The following SPTLC1 variants were observed in gnomAD, a reference collection of about 807,000 sequenced individuals.
SPTLC1 encodes serine palmitoyltransferase 1.
SPTLC1 carries 55 observed loss-of-function variants against 68.9 expected under a neutral mutation model. That is an observed-to-expected ratio of 0.80 (90% CI 0.64 to 1.00). The LOEUF (loss-of-function observed/expected upper bound fraction) is 1.00, where lower values mean the gene tolerates loss of function less well. Among genes scored for constraint, SPTLC1 ranks in the 50% least tolerant of loss-of-function variants. The pLI, the probability that SPTLC1 is intolerant of heterozygous loss-of-function variation, is 0.00. For synonymous variants in SPTLC1, 197 were observed against 201.6 expected (o/e 0.98, Z 0.19); for missense variants, 449 against 573.1 (o/e 0.78, Z 2.21).
chr9:92,055,023 G>C (rs1307623880), intron 8 of SPTLC1, among the ~76,000 whole-genome samples: 1 of 152,116 alleles, frequency 6.6e-6, no homozygotes, highest in East Asian at 1.9e-4. Flanking sequence ...CCAAGAGTTT[G>C]AGAACAGCCT....
At chr9:92,038,492 G>A in intron 12 of SPTLC1, 127 bp from the exon 13 acceptor site, 1 of 757,222 alleles carries the variant, frequency 1.3e-6, no homozygotes, top group Non-Finnish European at 2.4e-6. Context: ...CGACTGATGG[G>A]AAGCATCATT....
At chr9:92,075,162 G>A (rs910645309) in intron 5 of SPTLC1, among the ~76,000 whole-genome samples, 1 of 152,112 alleles carries the variant, frequency 6.6e-6, no homozygotes, top group African/African-American at 2.4e-5. Context: ...AAGGGGTACA[G>A]AGTATCCCCC....
chr9:92,081,032 G>T, intron 3 of SPTLC1, 69 bp from the exon 4 acceptor site: 2 of 1,199,922 alleles, frequency 1.7e-6, no homozygotes, highest in African/African-American at 1.5e-5. Context: ...TTACCTTGGT[G>T]GTAGGCACAA....
At chr9:92,114,184 C>T (rs577416680) in intron 1 of SPTLC1, among the ~76,000 whole-genome samples, 2 of 151,794 alleles carry the variant, frequency 1.3e-5, no homozygotes, top group Non-Finnish European at 2.9e-5. Flanking sequence ...GTGGGAGGAT[C>T]GCTTGAGTCT....
intron 3 of SPTLC1, among the ~76,000 whole-genome samples, chr9:92,085,452 C>T (rs1417972277): frequency 4.6e-5 from 7 of 152,134 alleles, no homozygotes; most frequent in Admixed American, 1.3e-4. Flanking sequence ...TCTTTGTTCT[C>T]GTTGGTTTCA....
chr9:92,033,073 C>T (rs1833026842), intron 14 of SPTLC1, among the ~76,000 whole-genome samples: 1 of 152,192 alleles, frequency 6.6e-6, no homozygotes, highest in Non-Finnish European at 1.5e-5. Context: ...TTTCTCACTA[C>T]TGTGGCAGGT....
Position 92,074,170 on chromosome 9 carries a change from C to T in SPTLC1, c.427+5846G>A, listed in dbSNP as rs373006475. 1.1e-3 allele frequency among the ~76,000 whole-genome samples: 168 copies of T among 152,190 alleles called. 6 individuals carry two copies. In the South Asian group the frequency reaches 0.028, roughly 25 times the overall value. On this transcript the variant is annotated intron_variant, in intron 5 of 14. Coordinates refer to ENST00000262554, the MANE Select transcript of SPTLC1 (RefSeq NM_006415.4). ...TAACTCTTACAGTGGAGGGTAAGTC[C>T]GTCCCCTTCTTAATCGATACGGGGG...
intron 3 of SPTLC1, among the ~76,000 whole-genome samples, chr9:92,099,671 G>T (rs1835675056): frequency 6.6e-6 from 1 of 151,972 alleles, no homozygotes. Flanking sequence ...TGGTAGAGAA[G>T]GGGTTTTGTC....
At chr9:92,092,900 G>C (rs1835414899) in intron 3 of SPTLC1, among the ~76,000 whole-genome samples, 1 of 152,192 alleles carries the variant, frequency 6.6e-6, no homozygotes, top group Middle Eastern at 3.2e-3. Context: ...ACTCTTTACT[G>C]CTTTTATTTA....
At chr9:92,070,644 G>A (rs919401345) in intron 5 of SPTLC1, among the ~76,000 whole-genome samples, 6 of 152,190 alleles carry the variant, frequency 3.9e-5, no homozygotes, top group East Asian at 1.9e-4. Context: ...AGGTCTGGGG[G>A]TTCAGCCCTG....
Position 92,055,182 on chromosome 9 carries a change from C to T in SPTLC1, c.780+223G>A, listed in dbSNP as rs1470614471. On this transcript the variant is annotated intron_variant, in intron 8 of 14. Transcript: ENST00000262554. ...GTAAGGCTGCAGTGAGCTGTGTTCA[C>T]ACCACTGCACTCCAGCCTGGGCAAC... 9 of 962,820 alleles carry T rather than the reference C, an allele frequency of 9.3e-6. No individual in the cohort carries two copies. In the East Asian group the frequency reaches 9.2e-4, roughly 98 times the overall value. 59.6% of individuals were successfully genotyped at this position (962,820 alleles called of 1,614,324 possible).
chr9:92,071,373 T>C (rs28744634), intron 5 of SPTLC1, among the ~76,000 whole-genome samples: 16,857 of 152,160 alleles, frequency 0.11, 2,034 homozygotes, highest in African/African-American at 0.31. Context: ...GCACTCCAGC[T>C]TGGGCAACAA....
Position 92,076,331 on chromosome 9 carries a change from T to G in SPTLC1, c.427+3685A>C, listed in dbSNP as rs999467800. 2.0e-5 allele frequency among the ~76,000 whole-genome samples: 3 copies of G among 152,190 alleles called. No individual in the cohort carries two copies. In the East Asian group the frequency reaches 5.8e-4, roughly 29 times the overall value. ...GACACCAAAAAACCTCTGATCCCATTGCCCAAGGAAACACCTATGCCAATA... is the reference window on the plus strand; with the variant it reads ...GACACCAAAAAACCTCTGATCCCATGGCCCAAGGAAACACCTATGCCAATA... On this transcript the variant is annotated intron_variant, in intron 5 of 14. Coordinates refer to ENST00000262554, the MANE Select transcript of SPTLC1 (RefSeq NM_006415.4).
At chr9:92,088,478 C>G (rs1172900922) in intron 3 of SPTLC1, among the ~76,000 whole-genome samples, 1 of 152,204 alleles carries the variant, frequency 6.6e-6, no homozygotes, top group African/African-American at 2.4e-5. Context: ...GTTCTTACTT[C>G]TCAAGGTTTC....
chr9:92,065,969 G>A (rs1834265202), intron 6 of SPTLC1, among the ~76,000 whole-genome samples: 1 of 152,112 alleles, frequency 6.6e-6, no homozygotes, highest in Non-Finnish European at 1.5e-5. Context: ...GTAAGCAAGA[G>A]GCCAGTGCAG....
intron 3 of SPTLC1, among the ~76,000 whole-genome samples, chr9:92,092,651 C>G (rs912302175): frequency 1.3e-5 from 2 of 152,124 alleles, no homozygotes; most frequent in African/African-American, 4.8e-5. Context: ...AGGAGAATGG[C>G]TTGAACCTGG....
chr9:92,054,386 A>G (rs555703113), intron 8 of SPTLC1, among the ~76,000 whole-genome samples: 2 of 152,234 alleles, frequency 1.3e-5, no homozygotes, highest in Non-Finnish European at 2.9e-5. Flanking sequence ...AAGTAGATTA[A>G]TGGCTGTCTG....
At chr9:92,066,566 T>C (rs912640916) in intron 6 of SPTLC1, among the ~76,000 whole-genome samples, 4 of 152,122 alleles carry the variant, frequency 2.6e-5, no homozygotes, top group East Asian at 1.9e-4. Flanking sequence ...GGGAAAATGG[T>C]ACAAAATCAG....
intron 3 of SPTLC1, among the ~76,000 whole-genome samples, chr9:92,084,149 A>G (rs1229417969): frequency 2.6e-5 from 4 of 151,168 alleles, no homozygotes; most frequent in Non-Finnish European, 4.4e-5. Flanking sequence ...GGGCTGAGAC[A>G]ATGGGGTTTT....
Sources: gnomAD v4.1 joint callset for allele counts (sites outside exome capture counted in the v4.1 genomes callset) on GRCh38, gnomAD v4.1.1 for gene constraint, MANE v1.5 for transcripts, NCBI Gene and HGNC (gene_info 2026-07-23, HGNC 2026-07-21) for gene names.